ZNF732: variants seen among roughly 807,000 people sequenced by gnomAD.
ZNF732 encodes zinc finger protein LOC654254.
ZNF732 carries 12 observed loss-of-function variants against 11.5 expected under a neutral mutation model. The observed-to-expected ratio is 1.05, with a 90% CI of 0.67 to 1.70. The LOEUF is 1.70. ZNF732 is among the 40% of genes most tolerant of loss of function. The probability of loss-of-function intolerance (pLI) is 0.00; values close to 1 mark genes in which losing one functional copy is unlikely to be tolerated. For missense variants in ZNF732, 702 were observed against 676.9 expected (o/e 1.04, Z -0.41); for synonymous variants, 231 against 236.5 (o/e 0.98, Z 0.21).
chr4:274,795 G>A (rs1284826223), intron 3 of ZNF732, among the ~76,000 whole-genome samples: 1 of 151,430 alleles, frequency 6.6e-6, no homozygotes, highest in South Asian at 2.1e-4. Flanking sequence ...AAGAAAGAAG[G>A]ACATTAAACA....
At chr4:297,607 T>TGTAAAA (rs1491574356) in intron 1 of ZNF732, among the ~76,000 whole-genome samples, 1 of 100,992 alleles carries the variant, frequency 9.9e-6, no homozygotes, top group African/African-American at 3.7e-5. Context: ...TTAAGATTTG[T>TGTAAAA]AAAAAAAAAA....
Position 295,058 on chromosome 4 carries a change from C to T in ZNF732, c.226+380G>A, listed in dbSNP as rs140221063. Among the ~76,000 whole-genome samples the T allele has an allele frequency of 1.3e-3, 191 of 152,146 alleles. 2 individuals carry two copies. The highest frequency in any genetic ancestry group is 4.4e-3 in the African/African-American group (184 of 41,430). ...ACCAAATTCCAATATGTCCACTACTCACCGTGCACATTTTAGACATGTACA... is the reference window on the plus strand; with the variant it reads ...ACCAAATTCCAATATGTCCACTACTTACCGTGCACATTTTAGACATGTACA... On this transcript the variant is annotated intron_variant, in intron 3 of 3. Transcript: ENST00000419098.
At chr4:297,142 C>T (rs1553842512) in intron 1 of ZNF732, among the ~76,000 whole-genome samples, 1 of 152,100 alleles carries the variant, frequency 6.6e-6, no homozygotes, top group Admixed American at 6.5e-5. Flanking sequence ...GTGGCGTGCG[C>T]CTGTAATCCC....
rs372633099 is a variant in ZNF732 at position 299,789 on chromosome 4, T to C, written c.4-3634A>G. Among the ~76,000 whole-genome samples the C allele has an allele frequency of 5.4e-5, 8 of 149,226 alleles. No homozygotes were observed. The East Asian group carries it at 1.6e-3, about 30-fold the overall frequency. On this transcript the variant is annotated intron_variant, in intron 1 of 3. Coordinates refer to ENST00000419098, the MANE Select transcript of ZNF732 (RefSeq NM_001137608.3). ...TCAGCTGACCGCAACCTCTGGCTCC[T>C]GGATTCCAATGATTCTCCAGCCTCA...
intron 1 of ZNF732, 71 bp from the exon 2 acceptor site, chr4:296,226 G>T: frequency 6.4e-7 from 1 of 1,561,690 alleles, no homozygotes; most frequent in Non-Finnish European, 8.7e-7. Context: ...AAGAGAACTA[G>T]TTCTGACATG....
At chr4:285,358 G>A (rs1229604222) in intron 3 of ZNF732, among the ~76,000 whole-genome samples, 1 of 152,176 alleles carries the variant, frequency 6.6e-6, no homozygotes, top group Non-Finnish European at 1.5e-5. Flanking sequence ...AGAAGCCTAG[G>A]CTACTGGAGG....
chr4:289,195 C>T (rs1189868782), intron 3 of ZNF732, among the ~76,000 whole-genome samples: 7 of 152,202 alleles, frequency 4.6e-5, no homozygotes, highest in African/African-American at 1.7e-4. Flanking sequence ...TGCAGAACTC[C>T]TCATTGGTTT....
intron 3 of ZNF732, among the ~76,000 whole-genome samples, chr4:293,233 G>GGT (rs199884660): frequency 0.023 from 3,096 of 131,876 alleles, 81 homozygotes; most frequent in South Asian, 0.13. Flanking sequence ...GCCAAAATAT[G>GGT]GTGTGTGTGT....
intron 1 of ZNF732, among the ~76,000 whole-genome samples, chr4:298,005 T>G (rs1027064259): frequency 2.0e-5 from 3 of 152,194 alleles, no homozygotes; most frequent in Non-Finnish European, 4.4e-5. Context: ...TTTTATGAAA[T>G]TTTAATCTAT....
intron 3 of ZNF732, among the ~76,000 whole-genome samples, chr4:294,910 ATTG>A (rs1324137830): frequency 2.0e-5 from 3 of 152,204 alleles, no homozygotes; most frequent in African/African-American, 7.2e-5. Flanking sequence ...GAAAATGCCT[ATTG>A]TTCTGATAAA....
intron 1 of ZNF732, among the ~76,000 whole-genome samples, chr4:297,522 G>A (rs1457600688): frequency 2.7e-5 from 4 of 149,550 alleles, no homozygotes; most frequent in African/African-American, 9.9e-5. Flanking sequence ...AGAATAACCG[G>A]TCAATATAAA....
intron 3 of ZNF732, among the ~76,000 whole-genome samples, chr4:280,189 T>TG (rs1719589278): frequency 6.6e-6 from 1 of 151,672 alleles, no homozygotes; most frequent in African/African-American, 2.4e-5. Context: ...TAGATGTAGA[T>TG]GTATCATAAA....
intron 3 of ZNF732, among the ~76,000 whole-genome samples, chr4:292,699 A>G (rs1359280091): frequency 1.3e-5 from 2 of 151,770 alleles, no homozygotes; most frequent in East Asian, 1.9e-4. Flanking sequence ...ACATACATAC[A>G]AGGTAAGTGC....
In ZNF732 at chr4:296,105, C is replaced by T. The variant is rs1047731177; in HGVS notation, c.54G>A (p.Trp18Ter). 1.2e-6 allele frequency: 2 copies of T among 1,613,812 alleles called. No homozygotes were observed. Among genetic ancestry groups the T allele is most frequent in the Admixed American group, 1.7e-5 (1 of 59,936 alleles). Reference protein sequence around the residue: ...DVAIEFSPEEWKCLDPAQQNL... With the variant: ...DVAIEFSPEE ...TCTGCTGGGCAGGGTCCAGGCATTT[C>T]CACTCTTCTGGAGAGAATTCTATGG... The change falls in exon 2 of 4, where the codon TGG becomes TGA. Residue 18 changes from tryptophan (W) to a stop codon, truncating the protein, a stop_gained. Transcript: ENST00000419098. LOFTEE classifies it high-confidence loss of function.
In ZNF732 at chr4:270,853, G is replaced by C; in HGVS notation, c.*246C>G. The C allele has an allele frequency of 1.5e-6, 1 of 685,670 alleles. No individual in the cohort carries two copies. The highest frequency in any genetic ancestry group is 1.5e-5 in the South Asian group (1 of 66,784). 42.5% of individuals were successfully genotyped at this position (685,670 alleles called of 1,614,324 possible). On this transcript the variant is annotated 3_prime_UTR_variant, in exon 4 of 4. Coordinates refer to ENST00000419098, the MANE Select transcript of ZNF732 (RefSeq NM_001137608.3). ...TTTGCCACATTCTTCACATTTGTAG[G>C]GTTGCTCTCCAGCATCAATTTTCTT... is the stretch of plus-strand genomic sequence containing the variant.
Position 270,991 on chromosome 4 carries a change from AG to A in ZNF732, c.*107del. On this transcript the variant is annotated 3_prime_UTR_variant, in exon 4 of 4. Transcript: ENST00000419098. ...CATTCAGGGTTGTGGACCATCCAAA[AG>A]CTTTGCCACATTCTTCACATTTGTA... 1 of 973,600 alleles carries A rather than the reference AG, an allele frequency of 1.0e-6. No homozygotes were observed. The allele number at this position is 973,600 out of a possible 1,614,324, so 60.3% of individuals were successfully genotyped here.
intron 2 of ZNF732, 36 bp from the exon 3 acceptor site, chr4:295,569 G>C: frequency 6.5e-7 from 1 of 1,534,170 alleles, no homozygotes; most frequent in Non-Finnish European, 8.9e-7. Flanking sequence ...CTACTGTTAG[G>C]GATTCTCCAA....
intron 3 of ZNF732, among the ~76,000 whole-genome samples, chr4:293,501 A>G (rs1433132221): frequency 2.6e-5 from 4 of 152,028 alleles, no homozygotes; most frequent in Non-Finnish European, 5.9e-5. Context: ...TAAAAGCAGA[A>G]AGTAGAATGG....
chr4:293,649 T>C (rs1400144601), intron 3 of ZNF732, among the ~76,000 whole-genome samples: 1 of 152,134 alleles, frequency 6.6e-6, no homozygotes, highest in Non-Finnish European at 1.5e-5. Flanking sequence ...TTATAGTTAA[T>C]ACTATAATGT....
Sources: gnomAD v4.1 joint callset for allele counts (sites outside exome capture counted in the v4.1 genomes callset) on GRCh38, gnomAD v4.1.1 for gene constraint, MANE v1.5 for transcripts, NCBI Gene and HGNC (gene_info 2026-07-23, HGNC 2026-07-21) for gene names.